The following XRCC4 variants were observed in gnomAD, a reference collection of about 807,000 sequenced individuals.
XRCC4 encodes the protein X-ray repair cross complementing 4, also known as DNA repair protein XRCC4.
In XRCC4, 28 loss-of-function variants were observed where a neutral mutation model predicts 39.1. The observed-to-expected ratio is 0.72, with a 90% CI of 0.53 to 0.98. The LOEUF (loss-of-function observed/expected upper bound fraction) is 0.98. Among genes scored for constraint, XRCC4 ranks in the 50% least tolerant of loss-of-function variants. The pLI is 0.00. For missense variants in XRCC4, 350 were observed against 376.4 expected (o/e 0.93, Z 0.58); for synonymous variants, 123 against 126.4 (o/e 0.97, Z 0.18).
intron 7 of XRCC4, among the ~76,000 whole-genome samples, chr5:83,306,620 G>A (rs1396971768): frequency 6.6e-6 from 1 of 152,196 alleles, no homozygotes; most frequent in Non-Finnish European, 1.5e-5. Context: ...AGCCATTGTT[G>A]TTTGATAATT....
chr5:83,262,550 A>G (rs560245893), intron 7 of XRCC4, among the ~76,000 whole-genome samples: 25 of 152,230 alleles, frequency 1.6e-4, no homozygotes, highest in Middle Eastern at 3.4e-3. Context: ...AAGCTTTTAG[A>G]GACTTCAGAA....
chr5:83,214,108 T>C (rs972054313), intron 6 of XRCC4, among the ~76,000 whole-genome samples: 10 of 152,210 alleles, frequency 6.6e-5, no homozygotes, highest in Non-Finnish European at 1.3e-4. Context: ...ACATACTTAA[T>C]GGTGAAATAC....
Position 83,223,758 on chromosome 5 carries a change from T to G in XRCC4, c.745+18837T>G, listed in dbSNP as rs533107105. Among the ~76,000 whole-genome samples, 5 of 152,100 alleles carry G rather than the reference T, an allele frequency of 3.3e-5. No homozygotes were observed. The South Asian group carries it at 8.3e-4, about 25-fold the overall frequency. On this transcript the variant is annotated intron_variant, in intron 6 of 7. Transcript: ENST00000396027. ...CAGGTTTGTTACATATGTATACATG[T>G]GCCATGCTGGTGTGCTGCACCCATT...
intron 3 of XRCC4, among the ~76,000 whole-genome samples, chr5:83,114,754 C>T (rs1391837911): frequency 6.6e-6 from 1 of 152,330 alleles, no homozygotes; most frequent in Non-Finnish European, 1.5e-5. Flanking sequence ...GCCTGTTACC[C>T]AGTTCCGAAG....
At position 83,161,384 on chromosome 5, in the gene XRCC4, G is replaced by A. The variant is rs564618337; in HGVS notation, c.316-34386G>A. Among the ~76,000 whole-genome samples the A allele has an allele frequency of 9.2e-5, 14 of 152,126 alleles. No homozygotes were observed. The South Asian group carries it at 1.9e-3, about 20-fold the overall frequency. ...TGACCTCAGGTAATCCACAGGCCTC[G>A]GCCTCCCAAAGTGCTAGGATTACAG... On this transcript the variant is annotated intron_variant, in intron 3 of 7. Transcript: ENST00000396027.
intron 6 of XRCC4, among the ~76,000 whole-genome samples, chr5:83,251,959 C>T (rs1753336926): frequency 6.6e-6 from 1 of 152,170 alleles, no homozygotes; most frequent in African/African-American, 2.4e-5. Flanking sequence ...AACTGATTTA[C>T]AGAATTGAAA....
chr5:83,217,580 A>C (rs1160860876), intron 6 of XRCC4, among the ~76,000 whole-genome samples: 4 of 152,076 alleles, frequency 2.6e-5, no homozygotes, highest in African/African-American at 9.7e-5. Context: ...TTCATAAATC[A>C]CTGGAGCTAT....
At chr5:83,288,736 T>G (rs952163235) in intron 7 of XRCC4, among the ~76,000 whole-genome samples, 5 of 151,882 alleles carry the variant, frequency 3.3e-5, no homozygotes, top group African/African-American at 1.2e-4. Flanking sequence ...TTTTCTGTAG[T>G]TTTTAATATG....
At chr5:83,342,168 G>T (rs761733598) in intron 7 of XRCC4, among the ~76,000 whole-genome samples, 3 of 152,166 alleles carry the variant, frequency 2.0e-5, no homozygotes, top group Non-Finnish European at 4.4e-5. Flanking sequence ...ATTGATTAAT[G>T]AATTACCATA....
chr5:83,204,739 A>G, intron 5 of XRCC4, 76 bp from the exon 6 acceptor site: 1 of 996,970 alleles, frequency 1.0e-6, no homozygotes, highest in Non-Finnish European at 1.5e-6. Flanking sequence ...TATTTTCTAT[A>G]ATTGCTTACT....
chr5:83,227,959 G>C (rs1041699024), intron 6 of XRCC4, among the ~76,000 whole-genome samples: 5 of 152,030 alleles, frequency 3.3e-5, no homozygotes, highest in Admixed American at 3.3e-4. Flanking sequence ...ACAAATGAAG[G>C]TGTCCTCTCT....
rs559800324 is a variant in XRCC4 at position 83,209,680 on chromosome 5, A to G, written c.745+4759A>G. Among the ~76,000 whole-genome samples, 23 of 152,162 alleles carry G rather than the reference A, an allele frequency of 1.5e-4. No individual in the cohort carries two copies. The South Asian group carries it at 4.8e-3, about 32-fold the overall frequency. On this transcript the variant is annotated intron_variant, in intron 6 of 7. Coordinates refer to ENST00000396027, the MANE Select transcript of XRCC4 (RefSeq NM_003401.5). The stretch of plus-strand genomic sequence containing the variant: ...ATAAGGCTAATGATTTTAATTCCTC[A>G]CTAATTATTTTAATATATAATCAGT...
intron 3 of XRCC4, among the ~76,000 whole-genome samples, chr5:83,145,925 A>G (rs1157565535): frequency 6.8e-6 from 1 of 147,138 alleles, no homozygotes; most frequent in East Asian, 2.0e-4. Flanking sequence ...GGTTGTTCCT[A>G]TGGGAATGGC....
chr5:83,194,912 T>TA (rs1261542157), intron 3 of XRCC4, among the ~76,000 whole-genome samples: 1 of 152,186 alleles, frequency 6.6e-6, no homozygotes, highest in Non-Finnish European at 1.5e-5. Flanking sequence ...ATAGTTCTCT[T>TA]ACGGTGAAGA....
chr5:83,341,652 G>T (rs1756763888), intron 7 of XRCC4, among the ~76,000 whole-genome samples: 1 of 152,036 alleles, frequency 6.6e-6, no homozygotes, highest in Non-Finnish European at 1.5e-5. Context: ...AGTTAGTGAT[G>T]ACCCCCCCAC....
chr5:83,193,330 A>G (rs2974441), intron 3 of XRCC4, among the ~76,000 whole-genome samples: 4 of 151,884 alleles, frequency 2.6e-5, no homozygotes, highest in Non-Finnish European at 5.9e-5. Flanking sequence ...GATTAAATTT[A>G]TAGATACTTT....
At chr5:83,118,059 C>G (rs1004782902) in intron 3 of XRCC4, among the ~76,000 whole-genome samples, 4 of 111,802 alleles carry the variant, frequency 3.6e-5, no homozygotes, top group African/African-American at 1.6e-4. Context: ...CACACACACA[C>G]ACACACACAC....
At chr5:83,266,549 A>G (rs1037654855) in intron 7 of XRCC4, among the ~76,000 whole-genome samples, 1 of 152,052 alleles carries the variant, frequency 6.6e-6, no homozygotes, top group Admixed American at 6.6e-5. Flanking sequence ...AAAATATATA[A>G]TGATCCATTA....
At chr5:83,170,327 A>G (rs150464694) in intron 3 of XRCC4, among the ~76,000 whole-genome samples, 40 of 152,286 alleles carry the variant, frequency 2.6e-4, no homozygotes, top group Non-Finnish European at 4.6e-4. Flanking sequence ...TTTGTACTGA[A>G]TCATTTTGTG....
Sources: allele counts gnomAD v4.1 joint callset (sites outside exome capture counted in the v4.1 genomes callset), GRCh38; gene constraint gnomAD v4.1.1; transcripts MANE v1.5; gene names NCBI Gene and HGNC (gene_info 2026-07-23, HGNC 2026-07-21).